TJP2: variants seen among roughly 807,000 people sequenced by gnomAD.
TJP2 encodes tight junction protein 2, also known as Friedreich ataxia region gene X104 (tight junction protein ZO-2).
Under a neutral mutation model 133.1 loss-of-function variants are expected in TJP2, and 91 were observed. The observed-to-expected ratio is 0.68, with a 90% CI of 0.58 to 0.81. The LOEUF is 0.81. Among genes scored for constraint, TJP2 ranks in the 40% least tolerant of loss-of-function variants. TJP2 has a pLI of 0.00. For missense variants in TJP2, 1,541 were observed against 1,565.6 expected, an observed-to-expected ratio of 0.98 and a Z score of 0.26; for synonymous variants, 592 against 583.4, an observed-to-expected ratio of 1.01 and a Z score of -0.21.
chr9:69,140,367 A>G (rs1822966996), intron 1 of TJP2, among the ~76,000 whole-genome samples: 1 of 152,222 alleles, frequency 6.6e-6, no homozygotes, highest in Non-Finnish European at 1.5e-5. Context: ...AGGCAGAGAC[A>G]TTGACTCTTC....
chr9:69,187,093 C>G (rs1008644866), intron 1 of TJP2, among the ~76,000 whole-genome samples: 1 of 152,118 alleles, frequency 6.6e-6, no homozygotes, highest in Non-Finnish European at 1.5e-5. Context: ...TATTTTTGCT[C>G]CTTTTTACTA....
In TJP2 at chr9:69,248,013, T is replaced by C; in HGVS notation, c.2669T>C (p.Met890Thr). ...ACCGTCCAACACAAATTCCTCTAGA[T>C]GGAAGGGATGGATGATGACCCCGAA... The part of the protein sequence containing the change: ...GEAVWVSEGK[M>T]EGMDDDPEDR... The change falls in exon 19 of 23, where the codon ATG becomes ACG. Residue 890 changes from methionine to threonine, a missense_variant and splice_region_variant. By Grantham distance (81) the Met-to-Thr change is moderately conservative (BLOSUM62 -1). Coordinates refer to ENST00000377245, the MANE Select transcript of TJP2 (RefSeq NM_004817.4). 6.2e-7 allele frequency: 1 copy of C among 1,600,216 alleles called. No homozygotes were observed.
intron 5 of TJP2, among the ~76,000 whole-genome samples, chr9:69,221,814 A>C (rs556141826): frequency 6.7e-6 from 1 of 149,682 alleles, no homozygotes; most frequent in Non-Finnish European, 1.5e-5. Flanking sequence ...AATCTCTCAC[A>C]GTGCTGGGAT....
Position 69,221,145 on chromosome 9 carries a change from C to A in TJP2, c.601C>A (p.Leu201Met). ...LSRDRSRGRS[L>M]ERGLDQDHAR... ...CCGGGACCGGAGCCGTGGCCGGAGC[C>A]TGGAGCGGGGCCTGGACCAAGACCA... Residue 201 changes from leucine to methionine, a missense_variant, in exon 5 of 23, where the codon CTG (leucine) becomes ATG (methionine). Transcript: ENST00000377245. 3 of 1,593,968 alleles carry A rather than the reference C, an allele frequency of 1.9e-6. No individual in the cohort carries two copies. Among genetic ancestry groups the A allele is most frequent in the Non-Finnish European group, 2.6e-6 (3 of 1,170,598 alleles).
intron 1 of TJP2, among the ~76,000 whole-genome samples, chr9:69,177,003 A>G (rs1306077111): frequency 6.6e-6 from 1 of 152,332 alleles, no homozygotes; most frequent in Non-Finnish European, 1.5e-5. Flanking sequence ...AGGGTTCGCA[A>G]TCACTGCTGA....
At chr9:69,196,956 C>CGTGTGTGTGTGT (rs1564425716) in intron 1 of TJP2, among the ~76,000 whole-genome samples, 7 of 151,024 alleles carry the variant, frequency 4.6e-5, no homozygotes, top group African/African-American at 1.7e-4. Flanking sequence ...TACACACACA[C>CGTGTGTGTGTGT]ACACACACAC....
Position 69,221,354 on chromosome 9 carries a change from G to A in TJP2, c.810G>A (p.Arg270=). Residue 270 remains arginine, a synonymous_variant, in exon 5 of 23, where the codon AGG becomes AGA. Coordinates refer to ENST00000377245, the MANE Select transcript of TJP2 (RefSeq NM_004817.4). ...AGCGGGCCTACAGCCCGGAGTACAG[G>A]CGCGGGGCCCGCCACGATGCCCGCT... is the stretch of plus-strand genomic sequence containing the variant. ...DYERAYSPEY[R]RGARHDARSR... is the part of the protein sequence containing the mutation. The A allele has an allele frequency of 6.3e-7, 1 of 1,584,214 alleles. No individual in the cohort carries two copies. The highest frequency in any genetic ancestry group is 8.6e-7 in the Non-Finnish European group (1 of 1,165,390).
rs553471214 is a variant in TJP2, at chr9:69,144,438, T to C, written c.-130-7213T>C. On this transcript the variant is annotated intron_variant, in intron 1 of 5. Transcript: ENST00000423935. ...TCCCCTTCTATTTTGCTTCCCTTTA[T>C]GTATGGGTTTGTTTAGACAAGGAGC... 4.6e-5 allele frequency among the ~76,000 whole-genome samples: 7 copies of C among 152,248 alleles called. No homozygotes were observed. The East Asian group carries it at 1.4e-3, about 29-fold the overall frequency.
At chr9:69,174,470 T>TCGTCAG (rs1824910106) in intron 1 of TJP2, 38 bp downstream of exon 1, 10 of 1,515,528 alleles carry the variant, frequency 6.6e-6, no homozygotes, top group Non-Finnish European at 9.0e-6. Context: ...GGGAGGAGGG[T>TCGTCAG]CGTGAGCGTG....
intron 2 of TJP2, among the ~76,000 whole-genome samples, chr9:69,164,695 T>C (rs1011005205): frequency 3.3e-5 from 5 of 152,170 alleles, no homozygotes; most frequent in Admixed American, 2.0e-4. Flanking sequence ...TAAAAGAAGC[T>C]AAAAGGAAAG....
intron 1 of TJP2, among the ~76,000 whole-genome samples, chr9:69,202,899 T>C (rs923228904): frequency 6.6e-6 from 1 of 152,110 alleles, no homozygotes; most frequent in South Asian, 2.1e-4. Flanking sequence ...ATGGTTAAGA[T>C]AATAAATTTT....
chr9:69,205,178 C>T (rs1245749119), intron 1 of TJP2: 1 of 1,537,138 alleles, frequency 6.5e-7, no homozygotes, highest in African/African-American at 1.4e-5. Context: ...ACTGCTCAAG[C>T]CCTACATAGG....
At chr9:69,244,746 G>T (rs1830809610) in intron 17 of TJP2, among the ~76,000 whole-genome samples, 1 of 152,226 alleles carries the variant, frequency 6.6e-6, no homozygotes, top group African/African-American at 2.4e-5. Flanking sequence ...AAGTGCATGA[G>T]TTGGATGTTA....
chr9:69,176,652 G>A (rs549707786), intron 1 of TJP2, among the ~76,000 whole-genome samples: 3 of 152,240 alleles, frequency 2.0e-5, no homozygotes, highest in South Asian at 2.1e-4. Context: ...CATCACCCCC[G>A]GGGGAATTGC....
chr9:69,156,824 A>G (rs951254735), intron 2 of TJP2, among the ~76,000 whole-genome samples: 1 of 152,118 alleles, frequency 6.6e-6, no homozygotes, highest in South Asian at 2.1e-4. Context: ...CGGCCAATAC[A>G]TGTAAGATTT....
At chr9:69,210,742 C>CTTTTTT (rs200516626) in intron 1 of TJP2, among the ~76,000 whole-genome samples, 2 of 117,860 alleles carry the variant, frequency 1.7e-5, no homozygotes, top group African/African-American at 3.2e-5. Flanking sequence ...ATTTTGAGTT[C>CTTTTTT]TTTTTTTTTT....
intron 1 of TJP2, among the ~76,000 whole-genome samples, chr9:69,201,146 T>C (rs1261877851): frequency 1.3e-5 from 2 of 152,168 alleles, no homozygotes; most frequent in African/African-American, 4.8e-5. Flanking sequence ...TTGGGGTGAT[T>C]TGTCTTTCTG....
intron 1 of TJP2, among the ~76,000 whole-genome samples, chr9:69,142,304 G>C (rs1823051087): frequency 6.6e-6 from 1 of 152,216 alleles, no homozygotes; most frequent in Admixed American, 6.5e-5. Context: ...TCTGAGGAGA[G>C]AAGGCTAGTT....
Position 69,225,411 on chromosome 9 carries a change from G to T in TJP2, c.1056+4G>T. 1.3e-6 allele frequency: 2 copies of T among 1,598,724 alleles called. No individual in the cohort carries two copies. The highest frequency in any genetic ancestry group is 2.2e-5 in the South Asian group (2 of 90,536). On this transcript the variant is annotated splice_donor_region_variant and intron_variant, in intron 6 of 22. Transcript: ENST00000377245. ...CGAAGGAGACATAATTCTCAAGGTG[G>T]GTAGATGGGGGCAGAGAACGGTAGT...
Sources: gnomAD v4.1 joint callset for allele counts (sites outside exome capture counted in the v4.1 genomes callset) on GRCh38, gnomAD v4.1.1 for gene constraint, MANE v1.5 for transcripts, NCBI Gene and HGNC (gene_info 2026-07-23, HGNC 2026-07-21) for gene names.